The following RANBP17 variants were observed in gnomAD, a reference collection of about 807,000 sequenced individuals.
RANBP17 encodes ran-binding protein 17.
In RANBP17, 158 loss-of-function variants were observed where a neutral mutation model predicts 141.2. That is an observed-to-expected ratio of 1.12 (90% CI 0.98 to 1.28). RANBP17 has a LOEUF of 1.28. RANBP17 is among the 50% of genes most tolerant of loss of function. The pLI, the probability that RANBP17 is intolerant of heterozygous loss-of-function variation, is 0.00. For synonymous variants in RANBP17, 430 were observed against 450.0 expected (o/e 0.96, Z 0.56); for missense variants, 1,438 against 1,290.7 (o/e 1.11, Z -1.75).
chr5:171,239,052 G>A (rs1764709131), intron 22 of RANBP17, among the ~76,000 whole-genome samples: 1 of 152,116 alleles, frequency 6.6e-6, no homozygotes, highest in Non-Finnish European at 1.5e-5. Context: ...ACACATAGTA[G>A]CTGTTAAATA....
intron 14 of RANBP17, among the ~76,000 whole-genome samples, chr5:171,067,922 C>T (rs1348185765): frequency 6.6e-6 from 1 of 152,094 alleles, no homozygotes; most frequent in Admixed American, 6.5e-5. Flanking sequence ...TCATATCTTT[C>T]AGCAAATTTG....
intron 14 of RANBP17, among the ~76,000 whole-genome samples, chr5:171,078,078 T>A (rs1162031213): frequency 2.6e-5 from 4 of 152,012 alleles, no homozygotes; most frequent in African/African-American, 9.7e-5. Context: ...AAGAGCTAGC[T>A]AAGATGATTG....
intron 25 of RANBP17, among the ~76,000 whole-genome samples, chr5:171,275,137 C>G (rs1009059459): frequency 3.3e-5 from 5 of 152,202 alleles, no homozygotes; most frequent in Non-Finnish European, 2.9e-5. Flanking sequence ...GCAAAGACAC[C>G]ATATTGAGTG....
intron 14 of RANBP17, among the ~76,000 whole-genome samples, chr5:171,006,105 G>A (rs1259340890): frequency 6.6e-6 from 1 of 152,184 alleles, no homozygotes; most frequent in African/African-American, 2.4e-5. Context: ...AACAGGTGCT[G>A]GAGAGGATGT....
chr5:171,071,653 CAAAAAAAAAAA>C lies in RANBP17; in HGVS notation c.1711-98466_1711-98456del, dbSNP rs34555837. Among the ~76,000 whole-genome samples the C allele has an allele frequency of 1.4e-4, 10 of 69,618 alleles. 1 individual carries two copies. Among genetic ancestry groups the C allele is most frequent in the African/African-American group, 5.4e-4 (9 of 16,820 alleles). The allele number at this position is 69,618 out of a possible 152,430, so 45.7% of individuals were successfully genotyped here. A position where few individuals can be genotyped will look rare whatever the true frequency, so the allele number is the denominator to read the frequency against. On this transcript the variant is annotated intron_variant, in intron 14 of 27. Transcript: ENST00000523189. ...TACTGGAACAATGAACAGCTTTATG[CAAAAAAAAAAA>C]AAAAAAAAAAGACCCTCAATACGTC...
At chr5:171,126,717 C>T (rs1445282902) in intron 14 of RANBP17, among the ~76,000 whole-genome samples, 1 of 152,030 alleles carries the variant, frequency 6.6e-6, no homozygotes, top group Non-Finnish European at 1.5e-5. Context: ...AATTGGAAAG[C>T]CTAGACAAAA....
At chr5:171,231,398 T>A (rs755734323) in intron 22 of RANBP17, among the ~76,000 whole-genome samples, 95 of 152,202 alleles carry the variant, frequency 6.2e-4, no homozygotes, top group Non-Finnish European at 1.9e-4. Flanking sequence ...TCTTGGGAAT[T>A]TATAGAATCT....
At chr5:170,866,379 A>G (rs1767260856) in intron 1 of RANBP17, among the ~76,000 whole-genome samples, 2 of 151,382 alleles carry the variant, frequency 1.3e-5, no homozygotes, top group East Asian at 1.9e-4. Flanking sequence ...ACTACTGAGA[A>G]GAAGGGACAC....
rs1267524519 is a variant in RANBP17, at chr5:171,251,946, G to A, written c.2776+9126G>A. ...ACTATTTTGGATTAGTCAGTTTTGGGAATACCTGCTACTGCAATTCAGTTC... is the reference window on the plus strand; with the variant it reads ...ACTATTTTGGATTAGTCAGTTTTGGAAATACCTGCTACTGCAATTCAGTTC... On this transcript the variant is annotated intron_variant, in intron 24 of 27. Coordinates refer to ENST00000523189, the MANE Select transcript of RANBP17 (RefSeq NM_022897.5). 42 of 1,608,972 alleles carry A rather than the reference G, an allele frequency of 2.6e-5. No individual in the cohort carries two copies. In the South Asian group the frequency reaches 2.6e-4, roughly 10 times the overall value.
At position 171,252,377 on chromosome 5, in the gene RANBP17, GT is replaced by G; in HGVS notation, c.2776+9558del. On this transcript the variant is annotated intron_variant, in intron 24 of 27. Transcript: ENST00000523189. The stretch of plus-strand genomic sequence containing the variant: ...ACTAATGAAACCAGATGTCTTACTT[GT>G]GAAACTATGAGCAGCAAAGATGAAG... 3.3e-6 allele frequency: 5 copies of G among 1,536,792 alleles called. No homozygotes were observed. In the East Asian group the frequency reaches 1.1e-4, roughly 35 times the overall value.
intron 14 of RANBP17, among the ~76,000 whole-genome samples, chr5:171,041,281 C>T (rs1005206119): frequency 5.9e-5 from 9 of 152,092 alleles, no homozygotes; most frequent in Middle Eastern, 3.2e-3. Context: ...ATTGATAGCA[C>T]TCATTTTCTT....
At chr5:170,975,534 A>C (rs1777302375) in intron 14 of RANBP17, among the ~76,000 whole-genome samples, 1 of 152,232 alleles carries the variant, frequency 6.6e-6, no homozygotes, top group Non-Finnish European at 1.5e-5. Flanking sequence ...CTCAAAAAAT[A>C]AAAGAAAGAA....
chr5:171,066,313 G>A (rs1159243343), intron 14 of RANBP17, among the ~76,000 whole-genome samples: 2 of 152,088 alleles, frequency 1.3e-5, no homozygotes, highest in African/African-American at 2.4e-5. Context: ...TGACCAATCT[G>A]TCCCCAACTT....
At chr5:170,900,062 TG>T (rs1185568667) in intron 5 of RANBP17, among the ~76,000 whole-genome samples, 2 of 152,138 alleles carry the variant, frequency 1.3e-5, no homozygotes, top group Non-Finnish European at 2.9e-5. Context: ...TCTCTTTTTC[TG>T]TTGATTGAAA....
intron 22 of RANBP17, among the ~76,000 whole-genome samples, chr5:171,233,809 G>A (rs1011441124): frequency 6.6e-5 from 10 of 152,172 alleles, no homozygotes; most frequent in African/African-American, 1.9e-4. Flanking sequence ...CTATAATGGT[G>A]GATGCATATT....
intron 14 of RANBP17, among the ~76,000 whole-genome samples, chr5:171,129,668 T>A (rs1484843446): frequency 6.6e-6 from 1 of 152,218 alleles, no homozygotes; most frequent in African/African-American, 2.4e-5. Context: ...TCTGCGAAAT[T>A]ATGTCACAGA....
At chr5:171,097,053 T>A (rs937333740) in intron 14 of RANBP17, among the ~76,000 whole-genome samples, 1 of 152,018 alleles carries the variant, frequency 6.6e-6, no homozygotes, top group Non-Finnish European at 1.5e-5. Context: ...AAGATTTTAT[T>A]TCTTCTTCAA....
chr5:171,224,303 A>G (rs1308613016), intron 22 of RANBP17, among the ~76,000 whole-genome samples: 2 of 152,242 alleles, frequency 1.3e-5, no homozygotes, highest in African/African-American at 4.8e-5. Context: ...AACTATGCAT[A>G]TGTTAGATTC....
chr5:171,101,214 A>G (rs1265182562), intron 14 of RANBP17, among the ~76,000 whole-genome samples: 1 of 152,118 alleles, frequency 6.6e-6, no homozygotes, highest in Non-Finnish European at 1.5e-5. Context: ...GTCTCCCATT[A>G]TTATTGTGTG....
Sources: gnomAD v4.1 joint callset for allele counts (sites outside exome capture counted in the v4.1 genomes callset) on GRCh38, gnomAD v4.1.1 for gene constraint, MANE v1.5 for transcripts, NCBI Gene and HGNC (gene_info 2026-07-23, HGNC 2026-07-21) for gene names.